C11orf65: variants seen among roughly 807,000 people sequenced by gnomAD.
The protein encoded by C11orf65 is chromosome 11 open reading frame 65.
In C11orf65, 38 loss-of-function variants were observed where a neutral mutation model predicts 35.3. The ratio of observed to expected loss-of-function variants is 1.08; its 90% confidence interval spans 0.83 to 1.41. C11orf65 has a LOEUF of 1.41. C11orf65 is among the 40% of genes most tolerant of loss of function. The pLI is 0.00. For synonymous variants in C11orf65, 105 were observed against 114.4 expected, an observed-to-expected ratio of 0.92 and a Z score of 0.53; for missense variants, 370 against 367.1, an observed-to-expected ratio of 1.01 and a Z score of -0.06.
intron 2 of C11orf65, among the ~76,000 whole-genome samples, chr11:108,444,246 T>C (rs539405374): frequency 6.6e-6 from 1 of 152,116 alleles, no homozygotes; most frequent in Non-Finnish European, 1.5e-5. Flanking sequence ...CCTGGATACA[T>C]ACACCCTCCC....
intron 2 of C11orf65, among the ~76,000 whole-genome samples, chr11:108,442,412 T>C (rs552331091): frequency 6.6e-6 from 1 of 152,072 alleles, no homozygotes; most frequent in Non-Finnish European, 1.5e-5. Context: ...AAGAATACTA[T>C]CCAGGAGAAC....
chr11:108,373,661 C>T (rs866961314), intron 2 of C11orf65, among the ~76,000 whole-genome samples: 1 of 152,216 alleles, frequency 6.6e-6, no homozygotes, highest in African/African-American at 2.4e-5. Context: ...TAGGGAGTGC[C>T]AGACAGTAGG....
intron 2 of C11orf65, among the ~76,000 whole-genome samples, chr11:108,373,717 C>T (rs1030409939): frequency 4.6e-5 from 7 of 152,224 alleles, no homozygotes; most frequent in Middle Eastern, 3.2e-3. Flanking sequence ...CGAAGCAGGG[C>T]GTGGCATCGC....
At chr11:108,435,444 G>A (rs1223400947) in intron 2 of C11orf65, among the ~76,000 whole-genome samples, 2 of 151,988 alleles carry the variant, frequency 1.3e-5, no homozygotes, top group South Asian at 2.1e-4. Flanking sequence ...GAGAACTTTT[G>A]GGGTGTTTTT....
At chr11:108,369,328 A>G (rs1484296746) in intron 2 of C11orf65, among the ~76,000 whole-genome samples, 2 of 152,172 alleles carry the variant, frequency 1.3e-5, no homozygotes, top group African/African-American at 4.8e-5. Flanking sequence ...AGTGTTTCTT[A>G]GTCGCCTCCT....
intron 6 of C11orf65, among the ~76,000 whole-genome samples, chr11:108,403,006 G>A (rs1050258155): frequency 6.6e-6 from 1 of 151,998 alleles, no homozygotes; most frequent in Non-Finnish European, 1.5e-5. Context: ...TGCTGTTTCT[G>A]GTTTTTCGCA....
chr11:108,313,334 T>G (rs2084332168), intron 6 of C11orf65, among the ~76,000 whole-genome samples: 1 of 152,220 alleles, frequency 6.6e-6, no homozygotes, highest in African/African-American at 2.4e-5. Flanking sequence ...CTATGTTCTC[T>G]TTTAGGTATC....
chr11:108,407,255 T>C (rs2092558649), intron 3 of C11orf65, 106 bp from the exon 4 acceptor site: 5 of 863,160 alleles, frequency 5.8e-6, no homozygotes, highest in Non-Finnish European at 8.4e-6. Flanking sequence ...ATATTGACTA[T>C]TTAGGAAATC....
At chr11:108,337,743 T>C (rs1044269091) in intron 2 of C11orf65, among the ~76,000 whole-genome samples, 3 of 152,242 alleles carry the variant, frequency 2.0e-5, no homozygotes, top group Non-Finnish European at 4.4e-5. Context: ...AGACTAGATA[T>C]TCTGTAATGT....
At chr11:108,372,736 T>A (rs2091605963) in intron 2 of C11orf65, among the ~76,000 whole-genome samples, 1 of 152,192 alleles carries the variant, frequency 6.6e-6, no homozygotes, top group Admixed American at 6.5e-5. Flanking sequence ...AAACTCTTCA[T>A]AATATTAGAA....
chr11:108,329,496 C>T (rs2086037470), downstream of C11orf65, among the ~76,000 whole-genome samples: 1 of 151,896 alleles, frequency 6.6e-6, no homozygotes, highest in Admixed American at 6.6e-5. Context: ...CTCACTGCAA[C>T]CTCGACCTCC....
chr11:108,371,025 A>G (rs1427152411), intron 2 of C11orf65, among the ~76,000 whole-genome samples: 1 of 152,182 alleles, frequency 6.6e-6, no homozygotes, highest in African/African-American at 2.4e-5. Flanking sequence ...AAGCTTAGCA[A>G]TCAACATAGA....
At chr11:108,327,250 C>G (rs577539763), downstream of C11orf65, 82 of 251,980 alleles carry the variant, frequency 3.3e-4, no homozygotes, top group Non-Finnish European at 5.3e-4. Context: ...AGTATTGGCC[C>G]TGAAGTATGT....
chr11:108,395,832 C>T (rs1358043314), intron 6 of C11orf65, among the ~76,000 whole-genome samples: 3 of 142,526 alleles, frequency 2.1e-5, no homozygotes, highest in Non-Finnish European at 4.6e-5. Context: ...CGTGTGAGCC[C>T]GGATGGTCTC....
intron 6 of C11orf65, among the ~76,000 whole-genome samples, chr11:108,403,420 G>GTTTTTTTTTTTTTTTTTTTT (rs869122131): frequency 8.4e-6 from 1 of 119,682 alleles, no homozygotes; most frequent in African/African-American, 3.4e-5. Flanking sequence ...TTTTTTTTTT[G>GTTTTTTTTTTTTTTTTTTTT]TTTTTTTTTT....
chr11:108,465,115 C>A (rs951952042), intron 1 of C11orf65, among the ~76,000 whole-genome samples: 1 of 152,190 alleles, frequency 6.6e-6, no homozygotes, highest in African/African-American at 2.4e-5. Flanking sequence ...ATTAATTCAT[C>A]ACAATTTCAT....
chr11:108,458,848 A>T (rs1278060779), intron 2 of C11orf65, among the ~76,000 whole-genome samples: 1 of 152,092 alleles, frequency 6.6e-6, no homozygotes, highest in Non-Finnish European at 1.5e-5. Flanking sequence ...CTTTGATCTC[A>T]GCCTTTCTGG....
At chr11:108,401,982 AC>A (rs2092448290) in intron 6 of C11orf65, among the ~76,000 whole-genome samples, 1 of 152,140 alleles carries the variant, frequency 6.6e-6, no homozygotes, top group African/African-American at 2.4e-5. Context: ...CGATCTAACA[AC>A]CTTAGAATCC....
intron 6 of C11orf65, chr11:108,325,630 T>C (rs772259751): frequency 3.7e-5 from 42 of 1,150,446 alleles, no homozygotes; most frequent in Non-Finnish European, 4.5e-5. Flanking sequence ...GAAAAAGAAA[T>C]GTCATTAAGA....
Sources: gnomAD v4.1 joint callset for allele counts (sites outside exome capture counted in the v4.1 genomes callset) on GRCh38, gnomAD v4.1.1 for gene constraint, MANE v1.5 for transcripts, NCBI Gene and HGNC (gene_info 2026-07-23, HGNC 2026-07-21) for gene names.